Variants in CNTN4 observed in about 807,000 individuals in gnomAD.
The protein encoded by CNTN4 is contactin-4.
A neutral mutation model predicts 122.5 loss-of-function variants in CNTN4; 77 were observed. The ratio of observed to expected loss-of-function variants is 0.63; its 90% confidence interval spans 0.52 to 0.76. CNTN4 has a LOEUF of 0.76. Ranked by LOEUF, CNTN4 falls within the 30% of genes least tolerant of loss-of-function variation. The pLI, the probability that CNTN4 is intolerant of heterozygous loss-of-function variation, is 0.00. For missense variants in CNTN4, 1,256 were observed against 1,259.1 expected (o/e 1.00, Z 0.04); for synonymous variants, 512 against 447.0 (o/e 1.15, Z -1.83).
intron 3 of CNTN4, among the ~76,000 whole-genome samples, chr3:2,532,993 T>A (rs990151892): frequency 4.6e-5 from 7 of 152,110 alleles, no homozygotes; most frequent in African/African-American, 1.7e-4. Flanking sequence ...GATCATTGGT[T>A]TGCTTAGTCA....
At chr3:2,593,659 A>G (rs1280927860) in intron 4 of CNTN4, among the ~76,000 whole-genome samples, 2 of 152,240 alleles carry the variant, frequency 1.3e-5, no homozygotes, top group Non-Finnish European at 2.9e-5. Flanking sequence ...GCCACAGCTT[A>G]TACCTAAACA....
chr3:2,270,664 G>T (rs947507506), intron 2 of CNTN4, among the ~76,000 whole-genome samples: 1 of 133,834 alleles, frequency 7.5e-6, no homozygotes, highest in Non-Finnish European at 1.8e-5. Flanking sequence ...ATTGTTCATT[G>T]TTGTCATTTT....
rs1237340312 is a variant in CNTN4, at chr3:2,207,071, TA to T, written c.-145+106433del. Among the ~76,000 whole-genome samples the T allele has an allele frequency of 3.3e-5, 5 of 152,166 alleles. No individual in the cohort carries two copies. In the East Asian group the frequency reaches 9.7e-4, roughly 29 times the overall value. ...ATTTATGATCAGTGAGCTTTCATGT[TA>T]CTATTGTAAATTTGGGGGGTGTCAT... is the stretch of plus-strand genomic sequence containing the variant. On this transcript the variant is annotated intron_variant, in intron 2 of 24. Transcript: ENST00000418658.
intron 3 of CNTN4, among the ~76,000 whole-genome samples, chr3:2,412,035 T>C (rs1352910042): frequency 2.0e-5 from 3 of 152,294 alleles, no homozygotes; most frequent in African/African-American, 4.8e-5. Flanking sequence ...TAGATTAATT[T>C]TGCTTGTTCT....
At chr3:2,880,421 AG>A (rs1448838648) in intron 8 of CNTN4, among the ~76,000 whole-genome samples, 2 of 152,240 alleles carry the variant, frequency 1.3e-5, no homozygotes, top group Non-Finnish European at 2.9e-5. Context: ...CAGCACTAAA[AG>A]GTGTTAACTT....
chr3:2,369,733 C>T (rs1201574167), intron 3 of CNTN4, among the ~76,000 whole-genome samples: 1 of 151,912 alleles, frequency 6.6e-6, no homozygotes, highest in Admixed American at 6.6e-5. Flanking sequence ...TGAAGCAGAG[C>T]CCTGCATTGC....
intron 6 of CNTN4, among the ~76,000 whole-genome samples, chr3:2,816,206 T>C (rs1037266944): frequency 3.4e-5 from 5 of 146,896 alleles, no homozygotes; most frequent in African/African-American, 1.1e-4. Flanking sequence ...TACAAAAAAT[T>C]AGCCGGGCGT....
intron 3 of CNTN4, among the ~76,000 whole-genome samples, chr3:2,543,554 G>C (rs370859328): frequency 1.3e-5 from 2 of 152,144 alleles, no homozygotes; most frequent in African/African-American, 4.8e-5. Context: ...GCCAACTGGA[G>C]CTCACAGGCT....
intron 6 of CNTN4, among the ~76,000 whole-genome samples, chr3:2,796,028 C>G (rs2092166624): frequency 6.6e-6 from 1 of 152,008 alleles, no homozygotes; most frequent in African/African-American, 2.4e-5. Context: ...GAGAAAAGAA[C>G]AGGATTTTTT....
chr3:2,392,996 A>G (rs2046497572), intron 3 of CNTN4, among the ~76,000 whole-genome samples: 1 of 152,198 alleles, frequency 6.6e-6, no homozygotes, highest in African/African-American at 2.4e-5. Flanking sequence ...GGCTTAAACA[A>G]CAGAAATTTA....
chr3:3,025,548 A>C (rs1422689397), intron 14 of CNTN4, among the ~76,000 whole-genome samples: 1 of 152,122 alleles, frequency 6.6e-6, no homozygotes, highest in South Asian at 2.1e-4. Context: ...AACCAAAAAG[A>C]CTGGGGGAAA....
At chr3:2,514,941 CCT>C (rs1180283168) in intron 3 of CNTN4, among the ~76,000 whole-genome samples, 4 of 151,606 alleles carry the variant, frequency 2.6e-5, no homozygotes, top group African/African-American at 9.7e-5. Flanking sequence ...CTACCCCCTC[CCT>C]CTCTCTCTTT....
chr3:2,623,339 T>G (rs143913465), intron 4 of CNTN4, among the ~76,000 whole-genome samples: 1,747 of 152,228 alleles, frequency 0.011, 15 homozygotes, highest in Non-Finnish European at 0.019. Context: ...CTCCTCATCC[T>G]GAAGCACAGC....
intron 2 of CNTN4, among the ~76,000 whole-genome samples, chr3:2,118,863 A>G (rs560746226): frequency 1.3e-5 from 2 of 152,330 alleles, no homozygotes; most frequent in South Asian, 2.1e-4. Flanking sequence ...TTGTTATGAC[A>G]TTTAGAAAAA....
chr3:2,562,134 A>G (rs1376004083), intron 3 of CNTN4, among the ~76,000 whole-genome samples: 1 of 152,252 alleles, frequency 6.6e-6, no homozygotes, highest in African/African-American at 2.4e-5. Flanking sequence ...ATAAACTACA[A>G]TTGCCTGCTG....
chr3:2,401,774 T>C (rs574985770), intron 3 of CNTN4, among the ~76,000 whole-genome samples: 1 of 152,262 alleles, frequency 6.6e-6, no homozygotes, highest in East Asian at 1.9e-4. Flanking sequence ...CTGCTAAACT[T>C]TGTAGAGGTT....
chr3:2,291,019 A>T (rs1017780242), intron 2 of CNTN4, among the ~76,000 whole-genome samples: 2 of 152,202 alleles, frequency 1.3e-5, no homozygotes, highest in Non-Finnish European at 2.9e-5. Flanking sequence ...AACTATATAT[A>T]TTGAGTGTCT....
At chr3:2,425,721 T>G in intron 3 of CNTN4, among the ~76,000 whole-genome samples, 1 of 152,302 alleles carries the variant, frequency 6.6e-6, no homozygotes, top group African/African-American at 2.4e-5. Context: ...TGTTCTTCCA[T>G]TTCTGTCCTC....
intron 2 of CNTN4, among the ~76,000 whole-genome samples, chr3:2,186,386 A>T (rs2037268049): frequency 6.6e-6 from 1 of 152,150 alleles, no homozygotes; most frequent in Admixed American, 6.5e-5. Context: ...TGCCGCAATA[A>T]ACATACGTGT....
Sources: allele counts gnomAD v4.1 joint callset (sites outside exome capture counted in the v4.1 genomes callset), GRCh38; gene constraint gnomAD v4.1.1; transcripts MANE v1.5; gene names NCBI Gene and HGNC (gene_info 2026-07-23, HGNC 2026-07-21).